MYL5: variants seen among roughly 807,000 people sequenced by gnomAD.
The protein encoded by MYL5 is myosin regulatory light chain 5.
MYL5 carries 28 observed loss-of-function variants against 20.8 expected under a neutral mutation model. The ratio of observed to expected loss-of-function variants is 1.35; its 90% CI spans 1.00 to 1.84. The LOEUF (loss-of-function observed/expected upper bound fraction) is 1.84, where lower values mean the gene tolerates loss of function less well. Among genes scored for constraint, MYL5 ranks in the 40% most tolerant of loss-of-function variants. The pLI, the probability that MYL5 is intolerant of heterozygous loss-of-function variation, is 0.00. For synonymous variants in MYL5, 118 were observed against 87.4 expected, an observed-to-expected ratio of 1.35 and a Z score of -1.95; for missense variants, 274 against 227.3, an observed-to-expected ratio of 1.21 and a Z score of -1.32.
At chr4:678,598 G>GT in intron 1 of MYL5, 60 bp from the exon 4 acceptor site, 1 of 1,552,020 alleles carries the variant, frequency 6.4e-7, no homozygotes, top group Non-Finnish European at 8.7e-7. Flanking sequence ...AAAACTCTGG[G>GT]TGCCCTGGAG....
chr4:680,032 G>C lies in MYL5; in HGVS notation c.292+14G>C, dbSNP rs1560154617. The C allele has an allele frequency of 1.3e-6, 2 of 1,595,124 alleles. No individual in the cohort carries two copies. Among genetic ancestry groups the C allele is most frequent in the Admixed American group, 1.7e-5 (1 of 58,006 alleles). ...AGAAGCTGAGCGGTGAGCACCGGTG[G>C]GGCAGGCCTGGCCCTCCTAGCTAAT... On this transcript the variant is annotated intron_variant, in intron 4 of 6. Coordinates refer to ENST00000400159, the Ensembl canonical transcript of MYL5.
intron 5 of MYL5, 62 bp from the exon 8 acceptor site, chr4:681,030 C>A: frequency 6.5e-7 from 1 of 1,543,600 alleles, no homozygotes; most frequent in Non-Finnish European, 8.8e-7. Flanking sequence ...GCACCTGAGC[C>A]CCACCGAGAA....
At chr4:678,794 C>T (rs1325456071) in intron 2 of MYL5, 29 bp downstream of exon 4, 2 of 1,607,732 alleles carry the variant, frequency 1.2e-6, no homozygotes, top group Non-Finnish European at 1.7e-6. Context: ...ACTGGGAGCC[C>T]CCACCCCCAG....
At chr4:676,938 CAG>C (rs1302191503), upstream of MYL5, 12 of 985,366 alleles carry the variant, frequency 1.2e-5, no homozygotes, top group East Asian at 1.1e-4. Context: ...GGCAGCATCT[CAG>C]GGGACGCCAA....
intron 3 of MYL5, 78 bp downstream of exon 5, chr4:679,111 C>G (rs1332428627): frequency 2.2e-6 from 3 of 1,394,068 alleles, no homozygotes; most frequent in Non-Finnish European, 3.0e-6. Flanking sequence ...ACGCCGCGGC[C>G]CCTCCTCGAA....
At chr4:681,914 G>C (rs759762021) in exon 7 of MYL5, 1 of 1,318,714 alleles carries the variant, frequency 7.6e-7, no homozygotes, top group Non-Finnish European at 9.8e-7. Context: ...GTTCCAGTTC[G>C]CCTCCATCGA....
rs1447449971 is a variant in MYL5, at chr4:680,917, G to A, written c.372-175G>A. ...GTCCCCATCAGCGGCTCCCCCAGAA[G>A]TGATGGCCCCTGAGTGTGTGTTGGG... On this transcript the variant is annotated intron_variant, in intron 5 of 6. Transcript: ENST00000400159. The A allele has an allele frequency of 4.1e-6, 3 of 733,610 alleles. No homozygotes were observed. In the African/African-American group the frequency reaches 5.3e-5, roughly 13 times the overall value. 45.4% of individuals were successfully genotyped at this position (733,610 alleles called of 1,614,324 possible).
upstream of MYL5, chr4:676,857 T>G (rs907178765): frequency 3.0e-6 from 3 of 984,886 alleles, no homozygotes; most frequent in Middle Eastern, 1.0e-3. Context: ...CCTGGGCAGG[T>G]CATGCCTCCA....
At chr4:679,149 C>G (rs763273465) in intron 3 of MYL5, 116 bp downstream of exon 5, 3 of 706,568 alleles carry the variant, frequency 4.2e-6, no homozygotes, top group Non-Finnish European at 6.2e-6. Flanking sequence ...CCTCAGAGGC[C>G]CACCAACGGC....
At chr4:677,447 A>G (rs1251019818), upstream of MYL5, among the ~76,000 whole-genome samples, 4 of 152,172 alleles carry the variant, frequency 2.6e-5, no homozygotes, top group Non-Finnish European at 5.9e-5. Context: ...CAACCCAGAA[A>G]TGTCATCACC....
intron 5 of MYL5, 79 bp from the exon 8 acceptor site, chr4:681,013 C>G: frequency 6.7e-7 from 1 of 1,493,536 alleles, no homozygotes; most frequent in Non-Finnish European, 9.1e-7. Context: ...AACCTGGGGC[C>G]CCTGGAGCAC....
intron 3 of MYL5, chr4:679,284 C>T (rs1212985808): frequency 6.7e-5 from 26 of 389,614 alleles, no homozygotes; most frequent in Non-Finnish European, 7.2e-5. Flanking sequence ...GGCTTTGAGG[C>T]AGCAGGCTCC....
rs993526880 is a variant in MYL5, at chr4:680,080, C to T, written c.292+62C>T. The T allele has an allele frequency of 4.8e-5, 66 of 1,370,782 alleles. 1 individual carries two copies. In the African/African-American group the frequency reaches 9.2e-4, roughly 19 times the overall value. 84.9% of individuals were successfully genotyped at this position (1,370,782 alleles called of 1,614,324 possible). A position where few individuals can be genotyped will look rare whatever the true frequency, so the allele number is the denominator to read the frequency against. ...AATTCCTAACAGTTAGAGATCCGGA[C>T]ATTTCACGTAAAAATCTCTCTTTTC... On this transcript the variant is annotated intron_variant, in intron 4 of 6. Coordinates refer to ENST00000400159, the Ensembl canonical transcript of MYL5.
rs1303536161 is a variant in MYL5 at position 681,826 on chromosome 4, C to T, written c.421-67C>T. The T allele has an allele frequency of 7.1e-6, 9 of 1,273,290 alleles. No homozygotes were observed. In the Admixed American group the frequency reaches 1.1e-4, roughly 15 times the overall value. The allele number at this position is 1,273,290 out of a possible 1,614,324, so 78.9% of individuals were successfully genotyped here. A position where few individuals can be genotyped will look rare whatever the true frequency, so the allele number is the denominator to read the frequency against. On this transcript the variant is annotated intron_variant, in intron 6 of 6. Transcript: ENST00000400159. ...GCGGCGCAGAAACCACACCCGGGGCCGCTGCAGGTGCGCGCTTGTAATTCG... is the reference window on the plus strand; with the variant it reads ...GCGGCGCAGAAACCACACCCGGGGCTGCTGCAGGTGCGCGCTTGTAATTCG...
At chr4:681,135 G>C in exon 6 of MYL5, 1 of 1,605,946 alleles carries the variant, frequency 6.2e-7, no homozygotes, top group Non-Finnish European at 8.5e-7. Flanking sequence ...GATGACGGCG[G>C]AAGAGGTCTG....
At chr4:678,243 C>G (rs1176731381) in intron 1 of MYL5, 1 of 1,477,242 alleles carries the variant, frequency 6.8e-7, no homozygotes, top group Non-Finnish European at 9.0e-7. Context: ...GTGGGAAGTA[C>G]GTGCCTCACG....
intron 4 of MYL5, among the ~76,000 whole-genome samples, 192 bp from the exon 7 acceptor site, chr4:680,317 A>G (rs1166364270): frequency 6.6e-6 from 1 of 152,108 alleles, no homozygotes; most frequent in Non-Finnish European, 1.5e-5. Flanking sequence ...ACTACACCCC[A>G]GGGCAGGAGT....
chr4:681,048 G>A (rs1187856895), intron 5 of MYL5, 44 bp from the exon 8 acceptor site: 1 of 1,564,524 alleles, frequency 6.4e-7, no homozygotes. Flanking sequence ...GAAGGCTCCT[G>A]CACCCCCGCA....
chr4:681,183 G>T, intron 6 of MYL5, 43 bp downstream of exon 8: 1 of 1,576,370 alleles, frequency 6.3e-7, no homozygotes. Context: ...AGGGGAGGGC[G>T]GGGCTCCCGG....
Sources: allele counts gnomAD v4.1 joint callset (sites outside exome capture counted in the v4.1 genomes callset), GRCh38; gene constraint gnomAD v4.1.1; transcripts MANE v1.5; gene names NCBI Gene and HGNC (gene_info 2026-07-23, HGNC 2026-07-21).